GUCY2D: variants seen among roughly 807,000 people sequenced by gnomAD.
The protein encoded by GUCY2D is guanylate cyclase 2D, retinal, also known as retinal guanylyl cyclase 1.
GUCY2D carries 70 observed loss-of-function variants against 101.3 expected under a neutral mutation model. The observed-to-expected ratio is 0.69, with a 90% CI of 0.57 to 0.84. The LOEUF (loss-of-function observed/expected upper bound fraction) is 0.84, where lower values mean the gene tolerates loss of function less well. Among genes scored for constraint, GUCY2D ranks in the 40% least tolerant of loss-of-function variants. GUCY2D has a pLI of 0.00. For missense variants in GUCY2D, 1,460 were observed against 1,542.5 expected (o/e 0.95, Z 0.90); for synonymous variants, 688 against 670.7 (o/e 1.03, Z -0.40).
In GUCY2D at chr17:8,014,206, A is replaced by G; in HGVS notation, c.2412+178A>G. The G allele has an allele frequency of 3.0e-6, 2 of 664,792 alleles. No homozygotes were observed. The highest frequency in any genetic ancestry group is 3.3e-5 in the South Asian group (2 of 60,654). The allele number at this position is 664,792 out of a possible 1,614,324, so 41.2% of individuals were successfully genotyped here. A position where few individuals can be genotyped will look rare whatever the true frequency, so the allele number is the denominator to read the frequency against. ...GGCAGAATTGGAATGGGGGCTGTGG[A>G]GGCTTTTGGAGTGGGAGATAGAGTT... On this transcript the variant is annotated intron_variant, in intron 12 of 19. Coordinates refer to ENST00000254854, the MANE Select transcript of GUCY2D (RefSeq NM_000180.4). The surrounding 1 kb of genome is among the most constrained non-coding windows in gnomAD (Gnocchi z 4.0).
chr17:8,006,297 G>A (rs1975735388), intron 3 of GUCY2D, 66 bp from the exon 4 acceptor site: 2 of 1,255,818 alleles, frequency 1.6e-6, no homozygotes, highest in Non-Finnish European at 2.3e-6. Context: ...TTGACAGGCA[G>A]TGAAAGAATC....
chr17:8,012,105 C>T (rs768083210), intron 8 of GUCY2D, 39 bp from the exon 9 acceptor site: 5 of 1,446,708 alleles, frequency 3.5e-6, no homozygotes, highest in Admixed American at 3.3e-5. Context: ...CCCCACATTG[C>T]CCTGGGCAGA....
At position 8,009,211 on chromosome 17, in the gene GUCY2D, C is replaced by T. The variant is rs557434200; in HGVS notation, c.1669-295C>T. ...TGGATGGTAATGAGGGTTGTGATGT[C>T]GATGACACTTGTGGTTGTATTAATG... On this transcript the variant is annotated intron_variant, in intron 7 of 19. Coordinates refer to ENST00000254854, the MANE Select transcript of GUCY2D (RefSeq NM_000180.4). 1.2e-4 allele frequency among the ~76,000 whole-genome samples: 19 copies of T among 152,284 alleles called. No individual in the cohort carries two copies. The East Asian group carries it at 3.1e-3, about 25-fold the overall frequency.
chr17:8,010,464 A>G (rs1975827539), intron 8 of GUCY2D, among the ~76,000 whole-genome samples: 1 of 152,078 alleles, frequency 6.6e-6, no homozygotes, highest in Middle Eastern at 3.2e-3. Flanking sequence ...TAAGTGGACT[A>G]TGTGTATGGG....
Position 8,013,118 on chromosome 17 carries a change from C to T in GUCY2D, c.2129C>T (p.Ala710Val), listed in dbSNP as rs781725943. The T allele has an allele frequency of 1.9e-6, 3 of 1,612,968 alleles. No homozygotes were observed. Among genetic ancestry groups the T allele is most frequent in the African/African-American group, 1.3e-5 (1 of 75,000 alleles). ...CCATCCCCAGACCAGCTGTGGACAG[C>T]CCCGGAGCTGCTTAGGGACCCAGCC... is the stretch of plus-strand genomic sequence containing the variant. ...PPRAEDQLWTAPELLRDPALE... is the reference protein window; with the variant it reads ...PPRAEDQLWTVPELLRDPALE... Residue 710 changes from alanine to valine, a missense_variant, in exon 11 of 20, where the codon GCC (alanine) becomes GTC (valine). Around this residue, in one of 3 missense-constraint regions of GUCY2D, gnomAD observed 1,196 missense variants for 1,229.6 expected, o/e 0.97. Coordinates refer to ENST00000254854, the MANE Select transcript of GUCY2D (RefSeq NM_000180.4). This position sits in a 1 kb window ranked among gnomAD's most constrained non-coding sequence, Gnocchi z 5.0.
Position 8,011,767 on chromosome 17 carries a change from A to G in GUCY2D, c.1750-377A>G, listed in dbSNP as rs753220125. On this transcript the variant is annotated intron_variant, in intron 8 of 19. Transcript: ENST00000254854. This position sits in a 1 kb window ranked among gnomAD's most constrained non-coding sequence, Gnocchi z 4.3. ...TCACTTGAACCAAGGAATGAAAGGT[A>G]GCAGTGATTTATGATCATGCCGCTG... 1.3e-5 allele frequency among the ~76,000 whole-genome samples: 2 copies of G among 152,180 alleles called. No individual in the cohort carries two copies. Among genetic ancestry groups the G allele is most frequent in the Non-Finnish European group, 2.9e-5 (2 of 68,020 alleles).
rs149722832 is a variant in GUCY2D at position 8,006,491 on chromosome 17, G to A, written c.1155G>A (p.Ala385=). 3.5e-5 allele frequency: 56 copies of A among 1,607,996 alleles called. No individual in the cohort carries two copies. Among genetic ancestry groups the A allele is most frequent in the African/African-American group, 4.0e-5 (3 of 74,934 alleles). Residue 385 remains alanine (A), a synonymous_variant, in exon 4 of 20, where the codon GCG becomes GCA. Coordinates refer to ENST00000254854, the MANE Select transcript of GUCY2D (RefSeq NM_000180.4). ...CTGTGGCCCGCCACATCCGGGATGC[G>A]CAGGTCCCTGGCTTCTGCGGGGACC... ...GAAVARHIRD[A]QVPGFCGDLG...
At chr17:8,007,362 C>A in intron 5 of GUCY2D, 64 bp from the exon 6 acceptor site, 1 of 1,144,220 alleles carries the variant, frequency 8.7e-7, no homozygotes, top group Non-Finnish European at 1.3e-6. Flanking sequence ...TCCCCCGCAT[C>A]CCCTGCTGGT....
chr17:8,007,848 TCCC>T, intron 6 of GUCY2D, 80 bp from the exon 7 acceptor site: 1 of 839,566 alleles, frequency 1.2e-6, no homozygotes, highest in South Asian at 1.4e-5. Context: ...CATCTTTAAA[TCCC>T]CAAAACTCAG....
In GUCY2D at chr17:8,003,146, G is replaced by T; in HGVS notation, c.99G>T (p.Leu33=). Residue 33 remains leucine (L), a synonymous_variant, in exon 2 of 20, where the codon CTG becomes CTT. Transcript: ENST00000254854. Reference sequence around the variant, plus strand: ...CCCTGCCCCGCCTCCCCCGGGCCCTGCCCCGGCTCCCGCTCCTGCTGCTCC... The same window carrying T: ...CCCTGCCCCGCCTCCCCCGGGCCCTTCCCCGGCTCCCGCTCCTGCTGCTCC... The part of the protein sequence containing the change: ...APSLPRLPRA[L]PRLPLLLLLL... 1 of 1,509,330 alleles carries T rather than the reference G, an allele frequency of 6.6e-7. No individual in the cohort carries two copies. Among genetic ancestry groups the T allele is most frequent in the Non-Finnish European group, 8.8e-7 (1 of 1,134,918 alleles). 93.5% of individuals were successfully genotyped at this position (1,509,330 alleles called of 1,614,324 possible).
intron 4 of GUCY2D, 38 bp downstream of exon 4, chr17:8,006,752 C>G: frequency 3.3e-6 from 5 of 1,495,326 alleles, no homozygotes; most frequent in Non-Finnish European, 3.7e-6. Context: ...GAGACAATCG[C>G]CATGGACCAT....
chr17:8,008,563 G>A (rs1436106109), intron 7 of GUCY2D, among the ~76,000 whole-genome samples: 2 of 152,230 alleles, frequency 1.3e-5, no homozygotes, highest in Admixed American at 1.3e-4. Flanking sequence ...AGAGCTGAGA[G>A]TGCTGAGCAA....
rs899659483 is a variant in GUCY2D, at chr17:8,003,755, G to T, written c.708G>T (p.Gly236=). 3.8e-6 allele frequency: 6 copies of T among 1,599,304 alleles called. No homozygotes were observed. The highest frequency in any genetic ancestry group is 5.1e-6 in the Non-Finnish European group (6 of 1,179,706). The change falls in exon 2 of 20, where the codon GGG becomes GGT. Residue 236 remains glycine (G), a synonymous_variant. Transcript: ENST00000254854. ...AGGCCCTGAGGAAGGTTCGGGACGG[G>T]CCCAGGGTCACAGGTAGGCTCCCTT... ...AREALRKVRD[G]PRVTAVIMVM...
chr17:8,012,269 C>T lies in GUCY2D; in HGVS notation c.1875C>T (p.Gly625=). ...LAVVSEHCTR[G]SLQDLLAQRE... is the part of the protein sequence containing the mutation. The stretch of plus-strand genomic sequence containing the variant: ...TGGTCTCAGAGCACTGCACGCGGGG[C>T]TCTCTTCAGGACCTCCTCGCTCAGA... Residue 625 remains glycine (G), a synonymous_variant, in exon 9 of 20, where the codon GGC becomes GGT. Transcript: ENST00000254854. 6.2e-7 allele frequency: 1 copy of T among 1,614,004 alleles called. No individual in the cohort carries two copies. Among genetic ancestry groups the T allele is most frequent in the East Asian group, 2.2e-5 (1 of 44,862 alleles).
Position 8,006,637 on chromosome 17 carries a change from T to A in GUCY2D, c.1301T>A (p.Met434Lys), listed in dbSNP as rs1188169226. Reference protein sequence around the residue: ...RGSFLSAGTRMHFPRGGSAPG... With the variant: ...RGSFLSAGTRKHFPRGGSAPG... ...TCCTTCCTCTCCGCCGGTACCCGGA[T>A]GCACTTCCCGCGTGGGGGATCAGCA... is the stretch of plus-strand genomic sequence containing the variant. Residue 434 changes from methionine to lysine, a missense_variant, in exon 4 of 20, where the codon ATG becomes AAG. This residue lies in a region of GUCY2D where 1,196 missense variants were observed against 1,229.6 expected (regional missense o/e 0.97). Coordinates refer to ENST00000254854, the MANE Select transcript of GUCY2D (RefSeq NM_000180.4). 6.2e-7 allele frequency: 1 copy of A among 1,612,990 alleles called. No individual in the cohort carries two copies. Among genetic ancestry groups the A allele is most frequent in the East Asian group, 2.2e-5 (1 of 44,842 alleles).
intron 19 of GUCY2D, among the ~76,000 whole-genome samples, chr17:8,019,057 C>A (rs1264701447): frequency 6.6e-6 from 1 of 152,108 alleles, no homozygotes; most frequent in Non-Finnish European, 1.5e-5. Context: ...CAAAACAAAA[C>A]CCGGGCATGC....
In GUCY2D at chr17:8,014,521, A is replaced by G; in HGVS notation, c.2413-80A>G. Reference sequence around the variant, plus strand: ...GGGGTTCAGAGTGAACAGCCCCATGAGAGGGCCCATGAGGGGGGCATAAAG... The same window carrying G: ...GGGGTTCAGAGTGAACAGCCCCATGGGAGGGCCCATGAGGGGGGCATAAAG... On this transcript the variant is annotated intron_variant, in intron 12 of 19. Coordinates refer to ENST00000254854, the MANE Select transcript of GUCY2D (RefSeq NM_000180.4). This position sits in a 1 kb window ranked among gnomAD's most constrained non-coding sequence, Gnocchi z 4.0. The G allele has an allele frequency of 3.1e-6, 4 of 1,307,504 alleles. No individual in the cohort carries two copies. The highest frequency in any genetic ancestry group is 4.4e-6 in the Non-Finnish European group (4 of 904,036). 81.0% of individuals were successfully genotyped at this position (1,307,504 alleles called of 1,614,324 possible).
In GUCY2D at chr17:8,013,559, G is replaced by A; in HGVS notation, c.2263+307G>A. On this transcript the variant is annotated intron_variant, in intron 11 of 19. Coordinates refer to ENST00000254854, the MANE Select transcript of GUCY2D (RefSeq NM_000180.4). The surrounding 1 kb of genome is among the most constrained non-coding windows in gnomAD (Gnocchi z 5.0). ...GGTCCCTGGGAGGAGCAGGGGAGGG[G>A]GAGTGGGTGCATCCCTTCTGCACAG... 1.7e-6 allele frequency: 1 copy of A among 574,784 alleles called. No homozygotes were observed. Among genetic ancestry groups the A allele is most frequent in the East Asian group, 2.9e-5 (1 of 33,906 alleles). 35.6% of individuals were successfully genotyped at this position (574,784 alleles called of 1,614,324 possible).
Position 8,015,941 on chromosome 17 carries a change from G to A in GUCY2D, c.3058G>A (p.Val1020Met). Residue 1020 changes from valine (V) to methionine (M), a missense_variant, in exon 17 of 20, where the codon GTG (valine) becomes ATG (methionine). Physicochemically the swap from Val to Met is conservative, Grantham distance 21. Coordinates refer to ENST00000254854, the MANE Select transcript of GUCY2D (RefSeq NM_000180.4). ...CACCGCCACAGCTTACCGCATCCAC[G>A]TGAACTTGAGCACTGTGGGGATTCT... ...ESTGLPYRIH[V>M]NLSTVGILRA... The A allele has an allele frequency of 6.2e-7, 1 of 1,611,654 alleles. No homozygotes were observed. Among genetic ancestry groups the A allele is most frequent in the South Asian group, 1.1e-5 (1 of 90,520 alleles).
Sources: allele counts gnomAD v4.1 joint callset (sites outside exome capture counted in the v4.1 genomes callset), GRCh38; gene constraint gnomAD v4.1.1; regional missense constraint gnomAD v4.1.1; non-coding constraint Gnocchi (gnomAD v3.1); transcripts MANE v1.5; gene names NCBI Gene and HGNC (gene_info 2026-07-23, HGNC 2026-07-21).